The following TENM2 variants were observed in gnomAD, a reference collection of about 807,000 sequenced individuals.
TENM2 encodes teneurin transmembrane protein 2, also known as teneurin-2.
In TENM2, 52 loss-of-function variants were observed where a neutral mutation model predicts 245.2. The observed-to-expected ratio is 0.21, with a 90% CI of 0.17 to 0.27. The LOEUF (loss-of-function observed/expected upper bound fraction) is 0.27. Among genes scored for constraint, TENM2 ranks in the 10% least tolerant of loss-of-function variants. TENM2 has a pLI of 1.00. For synonymous variants in TENM2, 1,363 were observed against 1,438.9 expected, an observed-to-expected ratio of 0.95 and a Z score of 1.19; for missense variants, 3,046 against 3,666.8, an observed-to-expected ratio of 0.83 and a Z score of 4.37.
At chr5:168,200,854 GAATT>G (rs141001162) in intron 17 of TENM2, among the ~76,000 whole-genome samples, 3,430 of 152,180 alleles carry the variant, frequency 0.023, 113 homozygotes, top group East Asian at 0.19. Flanking sequence ...AGCTATCTAG[GAATT>G]AATTAAAATC....
intron 2 of TENM2, among the ~76,000 whole-genome samples, chr5:167,634,817 T>A (rs928829938): frequency 6.6e-6 from 1 of 152,212 alleles, no homozygotes; most frequent in Non-Finnish European, 1.5e-5. Flanking sequence ...TTACTTTTTT[T>A]ATGGCTACAA....
intron 2 of TENM2, among the ~76,000 whole-genome samples, chr5:167,687,244 A>G (rs1347399407): frequency 6.6e-6 from 1 of 152,200 alleles, no homozygotes; most frequent in Non-Finnish European, 1.5e-5. Context: ...CCAATGTCAC[A>G]TTACATTTGA....
At chr5:167,927,722 A>G (rs1777870641) in intron 3 of TENM2, among the ~76,000 whole-genome samples, 1 of 152,172 alleles carries the variant, frequency 6.6e-6, no homozygotes, top group Admixed American at 6.5e-5. Flanking sequence ...GGACAGAACC[A>G]GAGTGAGGGG....
chr5:168,100,656 T>G (rs1356695914), intron 9 of TENM2, among the ~76,000 whole-genome samples: 1 of 152,150 alleles, frequency 6.6e-6, no homozygotes, highest in Non-Finnish European at 1.5e-5. Context: ...ACACTGCATG[T>G]TCTCACTCAT....
chr5:167,780,292 T>G (rs1239788412), intron 2 of TENM2, among the ~76,000 whole-genome samples: 2 of 152,128 alleles, frequency 1.3e-5, no homozygotes. Context: ...TAACCTGAAA[T>G]CAAAACCCGC....
At chr5:167,383,142 C>G (rs572157339) in intron 2 of TENM2, among the ~76,000 whole-genome samples, 1 of 151,914 alleles carries the variant, frequency 6.6e-6, no homozygotes, top group East Asian at 1.9e-4. Flanking sequence ...GGGGAAGGTG[C>G]TTTGTTGGGA....
At chr5:167,427,503 A>C (rs1021521212) in intron 2 of TENM2, among the ~76,000 whole-genome samples, 2 of 146,702 alleles carry the variant, frequency 1.4e-5, no homozygotes, top group Non-Finnish European at 3.0e-5. Flanking sequence ...GGAGGAAGAG[A>C]AGGAAGGGAA....
intron 12 of TENM2, among the ~76,000 whole-genome samples, chr5:168,155,675 T>G (rs1757091501): frequency 6.6e-6 from 1 of 152,138 alleles, no homozygotes; most frequent in Non-Finnish European, 1.5e-5. Flanking sequence ...GGATGGGTTC[T>G]TGTTTTTTTC....
the TENM2 span, among the ~76,000 whole-genome samples, chr5:167,186,150 A>G: frequency 6.6e-6 from 1 of 152,190 alleles, no homozygotes; most frequent in Admixed American, 6.6e-5. Context: ...TTAAAGATCA[A>G]CCTTTTTTTC....
intron 13 of TENM2, among the ~76,000 whole-genome samples, chr5:168,163,143 C>T (rs1185781270): frequency 1.3e-5 from 2 of 152,242 alleles, no homozygotes; most frequent in Non-Finnish European, 2.9e-5. Flanking sequence ...CTGCTGCCTT[C>T]ATCCTTACAG....
intron 3 of TENM2, among the ~76,000 whole-genome samples, chr5:167,889,575 G>A (rs17069339): frequency 0.012 from 1,843 of 151,962 alleles, 35 homozygotes; most frequent in African/African-American, 0.043. Flanking sequence ...TTAGAATATT[G>A]CTTTACATGT....
At chr5:168,118,977 GTTA>G (rs1483736439) in intron 10 of TENM2, among the ~76,000 whole-genome samples, 22 of 152,242 alleles carry the variant, frequency 1.4e-4, no homozygotes, top group African/African-American at 4.1e-4. Context: ...GCTGTTTGTT[GTTA>G]TTGTTGTTGT....
the TENM2 span, among the ~76,000 whole-genome samples, chr5:167,033,137 C>T: frequency 6.6e-6 from 1 of 152,116 alleles, no homozygotes; most frequent in Admixed American, 6.5e-5. Context: ...AGTGTTTGAT[C>T]AAAAGGACAA....
chr5:168,262,447 C>A, exon 29 of TENM2: 1 of 1,569,894 alleles, frequency 6.4e-7, no homozygotes, highest in East Asian at 2.4e-5. Context: ...TGTCCCAGCC[C>A]ACGCTGCTGG....
At chr5:167,013,324 G>T in the TENM2 span, among the ~76,000 whole-genome samples, 1 of 152,098 alleles carries the variant, frequency 6.6e-6, no homozygotes, top group African/African-American at 2.4e-5. Flanking sequence ...CTAGAATCCT[G>T]TAGCACCCCA....
At chr5:167,810,145 A>G (rs1352263312) in intron 2 of TENM2, among the ~76,000 whole-genome samples, 1 of 152,122 alleles carries the variant, frequency 6.6e-6, no homozygotes, top group Admixed American at 6.6e-5. Flanking sequence ...CTCCTAGTGA[A>G]AAGGTTGAAC....
chr5:167,236,638 C>A, the TENM2 span, among the ~76,000 whole-genome samples: 1 of 152,100 alleles, frequency 6.6e-6, no homozygotes, highest in Non-Finnish European at 1.5e-5. Context: ...AAGATGTGAA[C>A]AACAGGGAAG....
In TENM2 at chr5:167,561,925, G is replaced by A. The variant is rs1380045012; in HGVS notation, c.502+186452G>A. Among the ~76,000 whole-genome samples, 13 of 152,172 alleles carry A rather than the reference G, an allele frequency of 8.5e-5. No individual in the cohort carries two copies. In the South Asian group the frequency reaches 1.2e-3, roughly 15 times the overall value. Reference sequence around the variant, plus strand: ...AGAGACAGAGAGACAGAGTCCTAGCGCCACCTTTCAGCTTCGTCATTTGCT... The same window carrying A: ...AGAGACAGAGAGACAGAGTCCTAGCACCACCTTTCAGCTTCGTCATTTGCT... On this transcript the variant is annotated intron_variant, in intron 2 of 28. Coordinates refer to ENST00000518659, the Ensembl canonical transcript of TENM2.
chr5:168,036,023 T>C (rs1022009387), intron 5 of TENM2, among the ~76,000 whole-genome samples: 1 of 152,188 alleles, frequency 6.6e-6, no homozygotes, highest in Non-Finnish European at 1.5e-5. Flanking sequence ...CCTATCTTTC[T>C]TTAGCTCTGA....
Sources: gnomAD v4.1 joint callset for allele counts (sites outside exome capture counted in the v4.1 genomes callset) on GRCh38, gnomAD v4.1.1 for gene constraint, MANE v1.5 for transcripts, NCBI Gene and HGNC (gene_info 2026-07-23, HGNC 2026-07-21) for gene names.